The following PCNX4 variants were observed in gnomAD, a reference collection of about 807,000 sequenced individuals.
The protein encoded by PCNX4 is pecanex 4, also known as pecanex-like protein 4.
In PCNX4, 103 loss-of-function variants were observed where a neutral mutation model predicts 107.2. The ratio of observed to expected loss-of-function variants is 0.96; its 90% CI spans 0.82 to 1.13. The LOEUF is 1.13. Among genes scored for constraint, PCNX4 ranks in the 50% most tolerant of loss-of-function variants. The probability of loss-of-function intolerance (pLI) is 0.00; values close to 1 mark genes in which losing one functional copy is unlikely to be tolerated. For synonymous variants in PCNX4, 541 were observed against 481.7 expected (o/e 1.12, Z -1.61); for missense variants, 1,528 against 1,379.4 (o/e 1.11, Z -1.71).
chr14:60,092,718 C>G (rs755300130), intron 1 of PCNX4, among the ~76,000 whole-genome samples: 2 of 152,140 alleles, frequency 1.3e-5, no homozygotes, highest in African/African-American at 4.8e-5. Flanking sequence ...GAGCTGTGTC[C>G]GTTAGGTAGA....
rs1194964454 is a variant in PCNX4 at position 60,147,399 on chromosome 14, CAAAA to C, written c.*13182_*13185del. On this transcript the variant is annotated 3_prime_UTR_variant, in exon 11 of 11. Coordinates refer to ENST00000406854, the MANE Select transcript of PCNX4 (RefSeq NM_001330177.2). ...AGATTTTAAGTGTTCTCACCACACACAAAAAAAGGTAACTGGGTGACATGTATTA... is the reference window on the plus strand; with the variant it reads ...AGATTTTAAGTGTTCTCACCACACACAAAGGTAACTGGGTGACATGTATTA... 2.0e-5 allele frequency: 3 copies of C among 151,860 alleles called. No individual in the cohort carries two copies. Among genetic ancestry groups the C allele is most frequent in the Admixed American group, 1.3e-4 (2 of 15,242 alleles). 9.4% of individuals were successfully genotyped at this position (151,860 alleles called of 1,614,324 possible).
chr14:60,115,598 T>C (rs557644397), intron 4 of PCNX4, 121 bp from the exon 5 acceptor site: 1 of 1,356,622 alleles, frequency 7.4e-7, no homozygotes, highest in African/African-American at 1.5e-5. Flanking sequence ...GTTTTTTGTT[T>C]ATTGGCTTTT....
intron 1 of PCNX4, among the ~76,000 whole-genome samples, chr14:60,093,497 C>G (rs1895352744): frequency 6.6e-6 from 1 of 152,158 alleles, no homozygotes; most frequent in South Asian, 2.1e-4. Flanking sequence ...AGTGTGTTTT[C>G]AAGGTTCAGC....
rs542409632 is a variant in PCNX4 at position 60,091,982 on chromosome 14, C to T, written c.-491C>T. The T allele has an allele frequency of 1.4e-4, 21 of 152,528 alleles. No homozygotes were observed. The highest frequency in any genetic ancestry group is 4.6e-4 in the African/African-American group (19 of 41,594). The allele number at this position is 152,528 out of a possible 1,614,324, so 9.4% of individuals were successfully genotyped here. On this transcript the variant is annotated 5_prime_UTR_variant, in exon 1 of 11. Coordinates refer to ENST00000406854, the MANE Select transcript of PCNX4 (RefSeq NM_001330177.2). ...GTCTCGGCTTTCCCCGCTGCTGCTT[C>T]TGCTAGGCCCAGTGCGAGACCAGAG...
At position 60,134,396 on chromosome 14, in the gene PCNX4, C is replaced by A; in HGVS notation, c.*175C>A. 2 of 704,482 alleles carry A rather than the reference C, an allele frequency of 2.8e-6. No homozygotes were observed. Among genetic ancestry groups the A allele is most frequent in the Non-Finnish European group, 2.3e-6 (1 of 437,910 alleles). The allele number at this position is 704,482 out of a possible 1,614,324, so 43.6% of individuals were successfully genotyped here. Reference sequence around the variant, plus strand: ...CCATCTTAATGGTTCTAAAAAACAGCAAAAACATCTTTATGTCTAAGATAA... The same window carrying A: ...CCATCTTAATGGTTCTAAAAAACAGAAAAAACATCTTTATGTCTAAGATAA... On this transcript the variant is annotated 3_prime_UTR_variant, in exon 11 of 11. Coordinates refer to ENST00000406854, the MANE Select transcript of PCNX4 (RefSeq NM_001330177.2).
intron 10 of PCNX4, chr14:60,126,189 G>C (rs1050008313): frequency 6.4e-6 from 1 of 155,528 alleles, no homozygotes; most frequent in Admixed American, 6.5e-5. Flanking sequence ...AAATTTATCT[G>C]TAAGTGGCAA....
intron 1 of PCNX4, among the ~76,000 whole-genome samples, chr14:60,106,173 A>G (rs1044681941): frequency 1.3e-5 from 2 of 152,168 alleles, no homozygotes; most frequent in African/African-American, 4.8e-5. Flanking sequence ...TTGTGAGTAT[A>G]GTCATCCCTT....
chr14:60,124,653 G>A lies in PCNX4; in HGVS notation c.2482G>A (p.Asp828Asn), dbSNP rs774535601. The A allele has an allele frequency of 6.8e-6, 11 of 1,613,590 alleles. No homozygotes were observed. The East Asian group carries it at 1.8e-4, about 26-fold the overall frequency. Reference sequence around the variant, plus strand: ...TGACTGGTCTGATGATAATATTTTTGATGATGAGCCAACTATCAAAAAAGT... The same window carrying A: ...TGACTGGTCTGATGATAATATTTTTAATGATGAGCCAACTATCAAAAAAGT... ...FNDWSDDNIFDDEPTIKKVIE... is the reference protein window; with the variant it reads ...FNDWSDDNIFNDEPTIKKVIE... Residue 828 changes from aspartate to asparagine, a missense_variant, in exon 9 of 11, where the codon GAT becomes AAT. Transcript: ENST00000406854.
intron 1 of PCNX4, among the ~76,000 whole-genome samples, chr14:60,101,308 G>A (rs966927195): frequency 2.0e-5 from 3 of 152,176 alleles, no homozygotes; most frequent in African/African-American, 7.2e-5. Context: ...CCTGAGGGCT[G>A]TGTCATGGGC....
chr14:60,110,366 A>C (rs2140542182), intron 2 of PCNX4: 1 of 167,260 alleles, frequency 6.0e-6, no homozygotes, highest in African/African-American at 2.4e-5. Context: ...CTCTACCCAA[A>C]GCCTCGGGAG....
intron 1 of PCNX4, among the ~76,000 whole-genome samples, chr14:60,100,933 TC>T (rs1323377179): frequency 2.6e-5 from 4 of 152,204 alleles, no homozygotes; most frequent in Non-Finnish European, 5.9e-5. Flanking sequence ...CCTTTCCAGA[TC>T]CAAGAGATAA....
chr14:60,092,515 C>T (rs1895323443), intron 1 of PCNX4, 96 bp downstream of exon 1: 1 of 152,230 alleles, frequency 6.6e-6, no homozygotes, highest in East Asian at 1.9e-4. Flanking sequence ...GCTTTCATTG[C>T]CACAAGAAAC....
chr14:60,118,667 G>T lies in PCNX4; in HGVS notation c.1917G>T (p.Gln639His), dbSNP rs1326621601. The change falls in exon 7 of 11, where the codon CAG becomes CAT. Residue 639 changes from glutamine to histidine, a missense_variant. Coordinates refer to ENST00000406854, the MANE Select transcript of PCNX4 (RefSeq NM_001330177.2). Reference sequence around the variant, plus strand: ...TGCCCAGGTTGACTGCTGTACTGCAGACTGCAATGGCAGCTGGAAGTTTAG... The same window carrying T: ...TGCCCAGGTTGACTGCTGTACTGCATACTGCAATGGCAGCTGGAAGTTTAG... ...QMVPRLTAVL[Q>H]TAMAAGSLGL... The T allele has an allele frequency of 3.2e-6, 5 of 1,587,184 alleles. No homozygotes were observed. The African/African-American group carries it at 6.7e-5, about 21-fold the overall frequency.
In PCNX4 at chr14:60,116,048, C is replaced by T; in HGVS notation, c.1566C>T (p.Leu522=). 6.2e-7 allele frequency: 1 copy of T among 1,606,714 alleles called. No individual in the cohort carries two copies. Among genetic ancestry groups the T allele is most frequent in the East Asian group, 2.2e-5 (1 of 44,806 alleles). The change falls in exon 6 of 11, where the codon CTC becomes CTT. Residue 522 remains leucine (L), a synonymous_variant. Transcript: ENST00000406854. ...IWWNRSLDTG[L]RLLLVGIIRD... is the part of the protein sequence containing the mutation. ...GGAACAGAAGCCTGGATACAGGACT[C>T]AGACTCTTACTGGTAAGTGTGTCTT...
At chr14:60,114,667 C>A in intron 2 of PCNX4, 33 bp from the exon 3 acceptor site, 1 of 1,542,036 alleles carries the variant, frequency 6.5e-7, no homozygotes, top group Non-Finnish European at 8.9e-7. Context: ...CTATATATTT[C>A]GTGTGATTTA....
Position 60,107,901 on chromosome 14 carries a change from A to G in PCNX4, c.263A>G (p.Gln88Arg), listed in dbSNP as rs780398482. ...ATGCTTTTTACTGCATTTGTCATCCAGTTCACAAGTTTATACGCCAAAAAC... is the reference window on the plus strand; with the variant it reads ...ATGCTTTTTACTGCATTTGTCATCCGGTTCACAAGTTTATACGCCAAAAAC... The part of the protein sequence containing the change: ...GLMLFTAFVI[Q>R]FTSLYAKNKS... The change falls in exon 2 of 11, where the codon CAG becomes CGG. Residue 88 changes from glutamine (Q) to arginine (R), a missense_variant. Transcript: ENST00000406854. 1.2e-6 allele frequency: 2 copies of G among 1,612,924 alleles called. No homozygotes were observed. The highest frequency in any genetic ancestry group is 1.7e-6 in the Non-Finnish European group (2 of 1,179,900).
chr14:60,100,060 G>A (rs141499152), intron 1 of PCNX4, among the ~76,000 whole-genome samples: 227 of 152,118 alleles, frequency 1.5e-3, no homozygotes, highest in African/African-American at 5.0e-3. Flanking sequence ...CTGAGACTCT[G>A]TCTCAAAAAA....
chr14:60,141,128 C>A lies in PCNX4; in HGVS notation c.*6907C>A, dbSNP rs1376368698. On this transcript the variant is annotated 3_prime_UTR_variant, in exon 11 of 11. Coordinates refer to ENST00000406854, the MANE Select transcript of PCNX4 (RefSeq NM_001330177.2). ...TCTCTCCAAAAGCCAGATAGCCAAC[C>A]CCATGTGTCTCCAAGAGCTGTCTCC... 6.6e-6 allele frequency: 1 copy of A among 152,218 alleles called. No individual in the cohort carries two copies. The highest frequency in any genetic ancestry group is 1.9e-4 in the East Asian group (1 of 5,198). 9.4% of individuals were successfully genotyped at this position (152,218 alleles called of 1,614,324 possible).
intron 9 of PCNX4, 149 bp downstream of exon 9, chr14:60,125,400 T>G (rs1896036385): frequency 1.0e-6 from 1 of 954,508 alleles, no homozygotes; most frequent in Non-Finnish European, 1.5e-6. Flanking sequence ...GTAGTGTGAT[T>G]GTATCAAGGG....
Sources: gnomAD v4.1 joint callset for allele counts (sites outside exome capture counted in the v4.1 genomes callset) on GRCh38, gnomAD v4.1.1 for gene constraint, MANE v1.5 for transcripts, NCBI Gene and HGNC (gene_info 2026-07-23, HGNC 2026-07-21) for gene names.